The following VPS39 variants were observed in gnomAD, a reference collection of about 807,000 sequenced individuals.
VPS39 encodes vam6/Vps39-like protein.
Under a neutral mutation model 121.0 loss-of-function variants are expected in VPS39, and 70 were observed. The ratio of observed to expected loss-of-function variants is 0.58; its 90% CI spans 0.48 to 0.71. The LOEUF (loss-of-function observed/expected upper bound fraction) is 0.71. Ranked by LOEUF, VPS39 falls within the 30% of genes least tolerant of loss-of-function variation. VPS39 has a pLI of 0.00. For synonymous variants in VPS39, 378 were observed against 398.1 expected (o/e 0.95, Z 0.60); for missense variants, 818 against 1,051.5 (o/e 0.78, Z 3.07).
intron 4 of VPS39, 97 bp downstream of exon 4, chr15:42,191,028 T>C: frequency 7.0e-7 from 1 of 1,428,546 alleles, no homozygotes; most frequent in Non-Finnish European, 9.8e-7. Flanking sequence ...CGTCAGTTCA[T>C]TGTTAAGTAA....
intron 2 of VPS39, among the ~76,000 whole-genome samples, chr15:42,198,367 T>C (rs1031218196): frequency 3.9e-5 from 6 of 152,024 alleles, no homozygotes; most frequent in East Asian, 1.9e-4. Context: ...AAAAAGAAAT[T>C]TTTTTTTGAG....
At position 42,163,769 on chromosome 15, in the gene VPS39, C is replaced by T. The variant is rs76869868; in HGVS notation, c.2027-41G>A. Reference sequence around the variant, plus strand: ...ATATGAGGAACCACTGCCGCCATCACGCAAGCACAAGGTGGGGGCTATGCT... The same window carrying T: ...ATATGAGGAACCACTGCCGCCATCATGCAAGCACAAGGTGGGGGCTATGCT... On this transcript the variant is annotated intron_variant, in intron 19 of 24. Transcript: ENST00000318006. The T allele has an allele frequency of 1.6e-3, 2,307 of 1,474,398 alleles. 66 individuals are homozygous for T. In the East Asian group the frequency reaches 0.052, roughly 33 times the overall value. 91.3% of individuals were successfully genotyped at this position (1,474,398 alleles called of 1,614,324 possible). A position where few individuals can be genotyped will look rare whatever the true frequency, so the allele number is the denominator to read the frequency against.
At chr15:42,166,488 C>T (rs1328948339) in intron 15 of VPS39, 75 bp downstream of exon 15, 2 of 1,539,354 alleles carry the variant, frequency 1.3e-6, no homozygotes, top group Non-Finnish European at 8.9e-7. Context: ...AGCAACCAAC[C>T]AGAAACAGAA....
At chr15:42,178,596 T>A in intron 8 of VPS39, 26 bp from the exon 9 acceptor site, 1 of 1,613,018 alleles carries the variant, frequency 6.2e-7, no homozygotes, top group Non-Finnish European at 8.5e-7. Flanking sequence ...TACACAGCAG[T>A]TGTTCCGGTC....
chr15:42,190,991 G>A (rs974066577), intron 4 of VPS39, 134 bp downstream of exon 4: 34 of 933,546 alleles, frequency 3.6e-5, no homozygotes, highest in Non-Finnish European at 5.7e-5. Flanking sequence ...TATTAACCAT[G>A]TACCCTGTTA....
rs1400935608 is a variant in VPS39, at chr15:42,208,199, C to G, written c.-46G>C. Reference sequence around the variant, plus strand: ...CACCGCCGTCTCGCCCAGAGTGTTCCGGGCCGGGCTGGGGTCCGGAACGAG... The same window carrying G: ...CACCGCCGTCTCGCCCAGAGTGTTCGGGGCCGGGCTGGGGTCCGGAACGAG... On this transcript the variant is annotated 5_prime_UTR_variant, in exon 1 of 25. Transcript: ENST00000318006. 1 of 1,552,566 alleles carries G rather than the reference C, an allele frequency of 6.4e-7. No homozygotes were observed. Among genetic ancestry groups the G allele is most frequent in the Non-Finnish European group, 8.7e-7 (1 of 1,147,736 alleles).
intron 5 of VPS39, among the ~76,000 whole-genome samples, chr15:42,188,857 A>G (rs527804415): frequency 2.0e-5 from 3 of 152,208 alleles, no homozygotes; most frequent in Non-Finnish European, 4.4e-5. Context: ...TCCCAGCTAC[A>G]CAGGAGGCTG....
In VPS39 at chr15:42,208,216, C is replaced by A; in HGVS notation, c.-63G>T. On this transcript the variant is annotated 5_prime_UTR_variant, in exon 1 of 25. Coordinates refer to ENST00000318006, the MANE Select transcript of VPS39 (RefSeq NM_015289.5). Reference sequence around the variant, plus strand: ...GAGTGTTCCGGGCCGGGCTGGGGTCCGGAACGAGTCTGGGCTAAGGGTAGA... The same window carrying A: ...GAGTGTTCCGGGCCGGGCTGGGGTCAGGAACGAGTCTGGGCTAAGGGTAGA... 1 of 1,548,342 alleles carries A rather than the reference C, an allele frequency of 6.5e-7. No homozygotes were observed. Among genetic ancestry groups the A allele is most frequent in the East Asian group, 2.4e-5 (1 of 40,918 alleles).
chr15:42,172,757 C>T (rs2049372154), intron 11 of VPS39, among the ~76,000 whole-genome samples: 1 of 152,180 alleles, frequency 6.6e-6, no homozygotes, highest in South Asian at 2.1e-4. Flanking sequence ...TCCATCTATT[C>T]CCCAGCCTAA....
intron 7 of VPS39, among the ~76,000 whole-genome samples, chr15:42,186,639 G>A (rs1191342231): frequency 1.3e-5 from 2 of 152,170 alleles, no homozygotes; most frequent in Admixed American, 1.3e-4. Flanking sequence ...TACAACTTAC[G>A]TTAAGAGAAA....
At chr15:42,186,139 T>G (rs1331354767) in intron 7 of VPS39, among the ~76,000 whole-genome samples, 2 of 151,970 alleles carry the variant, frequency 1.3e-5, no homozygotes, top group African/African-American at 4.8e-5. Flanking sequence ...AACAAATATA[T>G]TAACAAGATA....
rs917413298 is a variant in VPS39 at position 42,163,408 on chromosome 15, G to T, written c.2130-13C>A. 17 of 1,614,040 alleles carry T rather than the reference G, an allele frequency of 1.1e-5. No homozygotes were observed. Among genetic ancestry groups the T allele is most frequent in the South Asian group, 1.1e-5 (1 of 91,086 alleles). On this transcript the variant is annotated splice_polypyrimidine_tract_variant and intron_variant, in intron 20 of 24. Coordinates refer to ENST00000318006, the MANE Select transcript of VPS39 (RefSeq NM_015289.5). ...TTTGTGGCAGTACCTGCAAGGGAGA[G>T]AGTGGTGAGAGCAGGTGGTGTGAGG...
chr15:42,183,182 C>T (rs1007144772), intron 8 of VPS39, among the ~76,000 whole-genome samples: 2 of 151,594 alleles, frequency 1.3e-5, no homozygotes, highest in Admixed American at 1.3e-4. Context: ...CTCACCGCAA[C>T]TTCCCCCTCC....
chr15:42,164,679 A>G, intron 18 of VPS39, 193 bp from the exon 19 acceptor site: 1 of 1,434,932 alleles, frequency 7.0e-7, no homozygotes, highest in Non-Finnish European at 9.1e-7. Flanking sequence ...ACGGTTAAAA[A>G]AATAAGCTGA....
intron 1 of VPS39, among the ~76,000 whole-genome samples, chr15:42,207,079 G>A (rs934776488): frequency 2.0e-5 from 3 of 152,256 alleles, no homozygotes; most frequent in Non-Finnish European, 4.4e-5. Context: ...AAAATTCTTC[G>A]TGAAAGAACC....
intron 5 of VPS39, 49 bp from the exon 6 acceptor site, chr15:42,187,905 CTG>C (rs1455859612): frequency 1.8e-5 from 28 of 1,523,394 alleles, no homozygotes; most frequent in Non-Finnish European, 2.5e-5. Context: ...CTCTCTCTAA[CTG>C]AGTGATAACT....
chr15:42,175,749 G>A lies in VPS39; in HGVS notation c.961-1897C>T, dbSNP rs368844046. On this transcript the variant is annotated intron_variant, in intron 10 of 24. Transcript: ENST00000318006. ...GGTGCCAGCTTCCTTATCTAGCTGA[G>A]TCCCAAACACTTAGGCCATACCTTC... 1.5e-4 allele frequency among the ~76,000 whole-genome samples: 23 copies of A among 152,004 alleles called. 1 individual carries two copies. In the South Asian group the frequency reaches 4.8e-3, roughly 32 times the overall value.
intron 8 of VPS39, chr15:42,184,267 T>C (rs2049653358): frequency 3.2e-6 from 1 of 317,146 alleles, no homozygotes; most frequent in Admixed American, 4.8e-5. Context: ...TAGCAGTAGA[T>C]AATCACTTCC....
At chr15:42,197,127 A>G (rs2049957113) in intron 2 of VPS39, among the ~76,000 whole-genome samples, 1 of 140,278 alleles carries the variant, frequency 7.1e-6, no homozygotes, top group African/African-American at 2.7e-5. Flanking sequence ...TTGAACAATG[A>G]GAACACTTGG....
Sources: allele counts gnomAD v4.1 joint callset (sites outside exome capture counted in the v4.1 genomes callset), GRCh38; gene constraint gnomAD v4.1.1; transcripts MANE v1.5; gene names NCBI Gene and HGNC (gene_info 2026-07-23, HGNC 2026-07-21).